TSNAX: variants seen among roughly 807,000 people sequenced by gnomAD.
TSNAX encodes the protein translin-associated protein X.
TSNAX carries 12 observed loss-of-function variants against 33.0 expected under a neutral mutation model. The ratio of observed to expected loss-of-function variants is 0.36; its 90% CI spans 0.23 to 0.59. TSNAX has a LOEUF of 0.59. Among genes scored for constraint, TSNAX ranks in the 20% least tolerant of loss-of-function variants. The pLI, the probability that TSNAX is intolerant of heterozygous loss-of-function variation, is 0.74. For missense variants in TSNAX, 267 were observed against 341.3 expected (o/e 0.78, Z 1.72); for synonymous variants, 110 against 117.2 (o/e 0.94, Z 0.40).
intron 4 of TSNAX, chr1:231,554,717 C>G (rs1314111245): frequency 6.6e-6 from 1 of 152,014 alleles, no homozygotes; most frequent in Non-Finnish European, 1.5e-5. Context: ...TAAGGTTAAG[C>G]AAAACATGGA....
intron 1 of TSNAX, 66 bp downstream of exon 1, chr1:231,528,892 A>T: frequency 6.2e-7 from 1 of 1,604,360 alleles, no homozygotes; most frequent in South Asian, 1.1e-5. Flanking sequence ...CTTTCTATGC[A>T]GTTTTCCCCT....
At chr1:231,537,138 C>T (rs570203876) in intron 2 of TSNAX, 75 bp from the exon 3 acceptor site, 97 of 1,170,886 alleles carry the variant, frequency 8.3e-5, no homozygotes, top group Admixed American at 1.8e-4. Flanking sequence ...GCATATGTGA[C>T]GTACATCTTA....
chr1:231,555,397 T>TCGG (rs1322231965), intron 4 of TSNAX, among the ~76,000 whole-genome samples: 1 of 152,050 alleles, frequency 6.6e-6, no homozygotes, highest in Non-Finnish European at 1.5e-5. Context: ...TGGCAGGAGC[T>TCGG]GAGGGGAGGA....
chr1:231,563,930 G>A (rs966159388), intron 5 of TSNAX, among the ~76,000 whole-genome samples: 1 of 152,104 alleles, frequency 6.6e-6, no homozygotes, highest in African/African-American at 2.4e-5. Context: ...TTTTAACTCA[G>A]TGAGTGGTAC....
rs1428867084 is a variant in TSNAX at position 231,565,410 on chromosome 1, T to C, written c.*505T>C. 6.5e-6 allele frequency: 1 copy of C among 153,028 alleles called. No individual in the cohort carries two copies. Among genetic ancestry groups the C allele is most frequent in the African/African-American group, 2.4e-5 (1 of 41,442 alleles). The allele number at this position is 153,028 out of a possible 1,614,324, so 9.5% of individuals were successfully genotyped here. A position where few individuals can be genotyped will look rare whatever the true frequency, so the allele number is the denominator to read the frequency against. On this transcript the variant is annotated 3_prime_UTR_variant, in exon 6 of 6. Transcript: ENST00000366639. ...CCATGGAACAAGAATTAAAAATGAA[T>C]AAGCTATCAATATATAATTTAAGTA... is the stretch of plus-strand genomic sequence containing the variant.
In TSNAX at chr1:231,551,308, C is replaced by G. The variant is rs1660277145; in HGVS notation, c.367+8697C>G. 2.6e-5 allele frequency among the ~76,000 whole-genome samples: 4 copies of G among 152,294 alleles called. No individual in the cohort carries two copies. The South Asian group carries it at 8.3e-4, about 32-fold the overall frequency. Reference sequence around the variant, plus strand: ...TGAGGTCTCCTTGTAAGAGGTAAGGCTTGCTCAGTGAGGTGAAGTAGAAAG... The same window carrying G: ...TGAGGTCTCCTTGTAAGAGGTAAGGGTTGCTCAGTGAGGTGAAGTAGAAAG... On this transcript the variant is annotated intron_variant, in intron 4 of 5. Transcript: ENST00000366639.
intron 2 of TSNAX, among the ~76,000 whole-genome samples, chr1:231,531,146 CAG>C (rs1340201806): frequency 1.3e-5 from 2 of 151,962 alleles, no homozygotes; most frequent in Non-Finnish European, 1.5e-5. Flanking sequence ...TTTGTAGAGA[CAG>C]GGTTTCGCCA....
At chr1:231,542,763 A>G in intron 4 of TSNAX, 152 bp downstream of exon 4, 1 of 887,810 alleles carries the variant, frequency 1.1e-6, no homozygotes, top group South Asian at 1.9e-5. Flanking sequence ...GAAGTAATCC[A>G]AAGGCAAGTT....
At chr1:231,543,680 T>G (rs1450616345) in intron 4 of TSNAX, among the ~76,000 whole-genome samples, 1 of 152,196 alleles carries the variant, frequency 6.6e-6, no homozygotes, top group African/African-American at 2.4e-5. Context: ...AATGTTGATA[T>G]GTCTTCTAAT....
At chr1:231,556,661 A>C (rs974445248) in intron 4 of TSNAX, among the ~76,000 whole-genome samples, 9 of 152,238 alleles carry the variant, frequency 5.9e-5, no homozygotes, top group African/African-American at 1.7e-4. Flanking sequence ...ATTGCCTTCA[A>C]CTGACATAGT....
At position 231,556,412 on chromosome 1, in the gene TSNAX, T is replaced by C; in HGVS notation, c.368-4716T>C. 1.3e-5 allele frequency among the ~76,000 whole-genome samples: 2 copies of C among 152,168 alleles called. 1 individual carries two copies. The highest frequency in any genetic ancestry group is 2.9e-5 in the Non-Finnish European group (2 of 68,030). ...AAACTATATGGCAGCCAAACAGAAATGCTATTTGTTTCTGCAACAAGGCAC... is the reference window on the plus strand; with the variant it reads ...AAACTATATGGCAGCCAAACAGAAACGCTATTTGTTTCTGCAACAAGGCAC... On this transcript the variant is annotated intron_variant, in intron 4 of 5. Coordinates refer to ENST00000366639, the MANE Select transcript of TSNAX (RefSeq NM_005999.3).
intron 4 of TSNAX, among the ~76,000 whole-genome samples, chr1:231,547,940 A>G (rs1572126873): frequency 6.9e-6 from 1 of 145,206 alleles, no homozygotes; most frequent in Non-Finnish European, 1.5e-5. Context: ...TCCCAGGTTC[A>G]TGCCATTCTC....
chr1:231,540,575 A>G (rs138542444), intron 3 of TSNAX, among the ~76,000 whole-genome samples: 4 of 152,328 alleles, frequency 2.6e-5, no homozygotes, highest in African/African-American at 9.6e-5. Flanking sequence ...GATATGGTCT[A>G]TCTGGTAAAT....
intron 5 of TSNAX, among the ~76,000 whole-genome samples, chr1:231,563,303 G>C (rs756180736): frequency 4.6e-5 from 7 of 152,214 alleles, no homozygotes; most frequent in Non-Finnish European, 4.4e-5. Context: ...TTCAGTAGAG[G>C]GAAATTGATG....
intron 4 of TSNAX, among the ~76,000 whole-genome samples, chr1:231,544,496 A>G (rs189767387): frequency 4.6e-5 from 7 of 152,250 alleles, no homozygotes; most frequent in African/African-American, 1.7e-4. Flanking sequence ...TTGGTGCCTC[A>G]TGTGTGAAAA....
At chr1:231,540,742 G>A (rs1031312672) in intron 3 of TSNAX, among the ~76,000 whole-genome samples, 4 of 152,174 alleles carry the variant, frequency 2.6e-5, no homozygotes, top group South Asian at 2.1e-4. Context: ...CTCTCTTGAC[G>A]ATAATTGTAG....
Position 231,529,367 on chromosome 1 carries a change from C to G in TSNAX, c.121+8C>G. 1 of 1,613,118 alleles carries G rather than the reference C, an allele frequency of 6.2e-7. No homozygotes were observed. Among genetic ancestry groups the G allele is most frequent in the South Asian group, 1.1e-5 (1 of 91,010 alleles). ...TGATGTTGGCCTTTAAATGTAAGTT[C>G]TCTGCAATGTAAGTTGAAGAAGGGG... is the stretch of plus-strand genomic sequence containing the variant. On this transcript the variant is annotated splice_region_variant and intron_variant, in intron 2 of 5. Transcript: ENST00000366639.
At chr1:231,553,497 C>T (rs189803113) in intron 4 of TSNAX, among the ~76,000 whole-genome samples, 7 of 152,192 alleles carry the variant, frequency 4.6e-5, no homozygotes, top group East Asian at 3.9e-4. Context: ...TATGGCAGTA[C>T]GTTGAAAATT....
At chr1:231,556,110 C>T (rs1196197165) in intron 4 of TSNAX, among the ~76,000 whole-genome samples, 2 of 152,130 alleles carry the variant, frequency 1.3e-5, no homozygotes, top group Non-Finnish European at 2.9e-5. Flanking sequence ...AAATATCATG[C>T]ATTTGTCCAT....
Sources: gnomAD v4.1 joint callset for allele counts (sites outside exome capture counted in the v4.1 genomes callset) on GRCh38, gnomAD v4.1.1 for gene constraint, MANE v1.5 for transcripts, NCBI Gene and HGNC (gene_info 2026-07-23, HGNC 2026-07-21) for gene names.